ENPEP: variants seen among roughly 807,000 people sequenced by gnomAD.
ENPEP encodes AP-A.
A neutral mutation model predicts 114.5 loss-of-function variants in ENPEP; 103 were observed. The observed-to-expected ratio is 0.90, with a 90% CI of 0.77 to 1.06. ENPEP has a LOEUF of 1.06. Among genes scored for constraint, ENPEP ranks in the 50% least tolerant of loss-of-function variants. The pLI, the probability that ENPEP is intolerant of heterozygous loss-of-function variation, is 0.00. For missense variants in ENPEP, 1,196 were observed against 1,161.3 expected (o/e 1.03, Z -0.43); for synonymous variants, 420 against 422.0 (o/e 1.00, Z 0.06).
At chr4:110,490,028 A>G (rs1387230620) in intron 2 of ENPEP, among the ~76,000 whole-genome samples, 3 of 152,194 alleles carry the variant, frequency 2.0e-5, no homozygotes, top group African/African-American at 7.2e-5. Flanking sequence ...AAGAAAGAGG[A>G]AAGGATAAAC....
chr4:110,520,186 A>T (rs575212624), intron 9 of ENPEP, 29 bp from the exon 10 acceptor site: 1 of 1,606,072 alleles, frequency 6.2e-7, no homozygotes, highest in African/African-American at 1.3e-5. Flanking sequence ...TTGTTAATTA[A>T]TTAATCTCCA....
At chr4:110,509,321 T>C (rs1481047215) in intron 4 of ENPEP, among the ~76,000 whole-genome samples, 1 of 152,234 alleles carries the variant, frequency 6.6e-6, no homozygotes, top group African/African-American at 2.4e-5. Flanking sequence ...AACTTCTCTT[T>C]TTCCTCACGG....
At chr4:110,557,212 T>C (rs954304732) in intron 18 of ENPEP, among the ~76,000 whole-genome samples, 1 of 152,148 alleles carries the variant, frequency 6.6e-6, no homozygotes, top group Non-Finnish European at 1.5e-5. Context: ...AGACATAACA[T>C]GTCATAGAGG....
intron 1 of ENPEP, among the ~76,000 whole-genome samples, chr4:110,481,408 T>C (rs1368762027): frequency 6.6e-6 from 1 of 152,120 alleles, no homozygotes; most frequent in African/African-American, 2.4e-5. Context: ...TAATGTCCTC[T>C]ATGTAGTTTC....
intron 10 of ENPEP, among the ~76,000 whole-genome samples, chr4:110,525,583 T>C (rs1465099930): frequency 6.6e-6 from 1 of 152,244 alleles, no homozygotes; most frequent in Non-Finnish European, 1.5e-5. Context: ...CATTATTTTA[T>C]AGTCACATAT....
chr4:110,520,314 C>G lies in ENPEP; in HGVS notation c.1675C>G (p.Arg559Gly). 1 of 1,613,992 alleles carries G rather than the reference C, an allele frequency of 6.2e-7. No homozygotes were observed. Among genetic ancestry groups the G allele is most frequent in the Non-Finnish European group, 8.5e-7 (1 of 1,179,934 alleles). ...VNGVKNITQK[R>G]FLLDPRANPS... is the part of the protein sequence containing the mutation. ...CGGTGTCAAGAACATCACACAGAAA[C>G]GCTTTTTGTTGGACCCAAGAGCTAA... The change falls in exon 10 of 20, where the codon CGC becomes GGC. Residue 559 changes from arginine to glycine, a missense_variant. Coordinates refer to ENST00000265162, the MANE Select transcript of ENPEP (RefSeq NM_001977.4).
chr4:110,505,766 G>T (rs1320886189), intron 3 of ENPEP, among the ~76,000 whole-genome samples: 34 of 152,144 alleles, frequency 2.2e-4, no homozygotes, highest in Admixed American at 2.2e-3. Context: ...CAAACTTTTA[G>T]CAGACACTAG....
chr4:110,481,775 C>G (rs938969316), intron 1 of ENPEP, among the ~76,000 whole-genome samples: 7 of 152,102 alleles, frequency 4.6e-5, no homozygotes, highest in African/African-American at 1.7e-4. Flanking sequence ...AGTTTAAAGG[C>G]AGAGAAACAG....
rs147499011 is a variant in ENPEP at position 110,516,101 on chromosome 4, A to G, written c.1509+659A>G. Among the ~76,000 whole-genome samples the G allele has an allele frequency of 2.7e-3, 411 of 152,330 alleles. 2 individuals carry two copies. The highest frequency in any genetic ancestry group is 3.7e-3 in the Non-Finnish European group (250 of 68,030). On this transcript the variant is annotated intron_variant, in intron 8 of 19. Transcript: ENST00000265162. ...ATGATATAAACATCTAAATTTATCT[A>G]TAAAGGTCATTCCTTATACTGAGTA...
At chr4:110,478,853 C>A (rs1308363595) in intron 1 of ENPEP, among the ~76,000 whole-genome samples, 1 of 152,164 alleles carries the variant, frequency 6.6e-6, no homozygotes, top group African/African-American at 2.4e-5. Flanking sequence ...TTATTATAAA[C>A]AAATCATCAA....
chr4:110,524,796 T>C (rs1726134434), intron 10 of ENPEP, among the ~76,000 whole-genome samples: 1 of 152,184 alleles, frequency 6.6e-6, no homozygotes, highest in Non-Finnish European at 1.5e-5. Flanking sequence ...TCTTGCTGTA[T>C]CACATAGGCT....
intron 19 of ENPEP, among the ~76,000 whole-genome samples, chr4:110,559,956 C>G (rs1284923578): frequency 6.6e-6 from 1 of 152,130 alleles, no homozygotes; most frequent in Non-Finnish European, 1.5e-5. Flanking sequence ...TCCCCACCCC[C>G]TGACAGGCCC....
chr4:110,516,036 T>A (rs1315818474), intron 8 of ENPEP, among the ~76,000 whole-genome samples: 1 of 152,196 alleles, frequency 6.6e-6, no homozygotes, highest in Non-Finnish European at 1.5e-5. Context: ...GGGTTAGGGC[T>A]TATATGAATT....
At chr4:110,499,824 C>T (rs928759327) in intron 3 of ENPEP, among the ~76,000 whole-genome samples, 11 of 152,092 alleles carry the variant, frequency 7.2e-5, no homozygotes, top group Middle Eastern at 3.4e-3. Context: ...GACCAGTGAA[C>T]GGATTGGGGT....
At chr4:110,504,353 AG>A (rs1182622785) in intron 3 of ENPEP, among the ~76,000 whole-genome samples, 3 of 152,148 alleles carry the variant, frequency 2.0e-5, no homozygotes, top group Non-Finnish European at 4.4e-5. Context: ...TAAAGCACTC[AG>A]GGTCTTTGAT....
In ENPEP at chr4:110,476,468, T is replaced by C; in HGVS notation, c.54T>C (p.His18=). The change falls in exon 1 of 20, where the codon CAT becomes CAC. Residue 18 remains histidine (H), a synonymous_variant. Coordinates refer to ENST00000265162, the MANE Select transcript of ENPEP (RefSeq NM_001977.4). ...AGAGATACTGCATTCAAACGAAACA[T>C]GTGGCCATTCTCTGTGCGGTGGTGG... The part of the protein sequence containing the change: ...GSKRYCIQTK[H]VAILCAVVVG... 1.9e-6 allele frequency: 3 copies of C among 1,554,536 alleles called. No individual in the cohort carries two copies. The highest frequency in any genetic ancestry group is 2.6e-6 in the Non-Finnish European group (3 of 1,147,990).
rs1419382728 is a variant in ENPEP at position 110,488,404 on chromosome 4, T to C, written c.645-137T>C. ...AACCTTTGACAAATATTTGATAGTCTTCTAGATGGAACCTCATTTTTAGAA... is the reference window on the plus strand; with the variant it reads ...AACCTTTGACAAATATTTGATAGTCCTCTAGATGGAACCTCATTTTTAGAA... On this transcript the variant is annotated intron_variant, in intron 1 of 19. Transcript: ENST00000265162. 10 of 1,200,610 alleles carry C rather than the reference T, an allele frequency of 8.3e-6. No homozygotes were observed. The East Asian group carries it at 2.8e-4, about 33-fold the overall frequency. The allele number at this position is 1,200,610 out of a possible 1,614,324, so 74.4% of individuals were successfully genotyped here.
rs547285428 is a variant in ENPEP, at chr4:110,564,935, C to T, written c.*3377C>T. 6.6e-6 allele frequency: 1 copy of T among 152,298 alleles called. No homozygotes were observed. The highest frequency in any genetic ancestry group is 2.4e-5 in the African/African-American group (1 of 41,552). The allele number at this position is 152,298 out of a possible 1,614,324, so 9.4% of individuals were successfully genotyped here. A position where few individuals can be genotyped will look rare whatever the true frequency, so the allele number is the denominator to read the frequency against. ...AAAACAACATGGAATAGAACTTAGC[C>T]AGCACAGAGTACACATGTGCTGTAA... On this transcript the variant is annotated 3_prime_UTR_variant, in exon 20 of 20. Transcript: ENST00000265162.
intron 1 of ENPEP, 58 bp from the exon 2 acceptor site, chr4:110,488,483 A>G (rs1160918542): frequency 6.6e-6 from 10 of 1,519,476 alleles, no homozygotes; most frequent in African/African-American, 4.2e-5. Context: ...GAATAGAGAC[A>G]TAGGGGTTGT....
Sources: allele counts gnomAD v4.1 joint callset (sites outside exome capture counted in the v4.1 genomes callset), GRCh38; gene constraint gnomAD v4.1.1; transcripts MANE v1.5; gene names NCBI Gene and HGNC (gene_info 2026-07-23, HGNC 2026-07-21).